The following SHANK2 variants were observed in gnomAD, a reference collection of about 807,000 sequenced individuals.
The protein encoded by SHANK2 is SH3 and multiple ankyrin repeat domains protein 2.
A neutral mutation model predicts 133.7 loss-of-function variants in SHANK2; 43 were observed. The ratio of observed to expected loss-of-function variants is 0.32; its 90% CI spans 0.25 to 0.41. The LOEUF (loss-of-function observed/expected upper bound fraction) is 0.41. Ranked by LOEUF, SHANK2 falls within the 10% of genes least tolerant of loss-of-function variation. The pLI is 1.00. For missense variants in SHANK2, 1,994 were observed against 2,235.8 expected (o/e 0.89, Z 2.18); for synonymous variants, 1,017 against 952.8 (o/e 1.07, Z -1.24).
intron 2 of SHANK2, among the ~76,000 whole-genome samples, chr11:71,192,354 G>A (rs1555115567): frequency 6.6e-6 from 1 of 152,222 alleles, no homozygotes. Context: ...TTCATGACCT[G>A]TGGTGACGGG....
chr11:70,922,263 C>T (rs12277879), intron 10 of SHANK2, among the ~76,000 whole-genome samples: 1,812 of 152,132 alleles, frequency 0.012, 33 homozygotes, highest in African/African-American at 0.041. Context: ...GAAAACAGAA[C>T]GGACACATAT....
intron 17 of SHANK2, among the ~76,000 whole-genome samples, chr11:70,540,334 G>C (rs1554974948): frequency 3.3e-5 from 5 of 151,204 alleles, no homozygotes; most frequent in African/African-American, 2.4e-5. Flanking sequence ...CCCACGGGCA[G>C]GTCAAGGGGA....
At chr11:70,683,422 G>T (rs1223634109) in intron 15 of SHANK2, among the ~76,000 whole-genome samples, 1 of 152,122 alleles carries the variant, frequency 6.6e-6, no homozygotes, top group Non-Finnish European at 1.5e-5. Context: ...TCCACCCCTG[G>T]AACTTGCCGC....
intron 17 of SHANK2, among the ~76,000 whole-genome samples, chr11:70,577,045 G>A (rs373278769): frequency 1.1e-4 from 16 of 152,192 alleles, no homozygotes; most frequent in South Asian, 6.2e-4. Flanking sequence ...AGGCCACGCC[G>A]CTGTCTCCCT....
At chr11:70,661,450 C>T (rs548645610) in intron 16 of SHANK2, 146 bp downstream of exon 16, 2 of 841,178 alleles carry the variant, frequency 2.4e-6, no homozygotes, top group South Asian at 1.7e-5. Flanking sequence ...AGGAAAAATG[C>T]TTATTTAATG....
At chr11:70,736,087 G>A (rs936185353) in intron 14 of SHANK2, among the ~76,000 whole-genome samples, 4 of 151,370 alleles carry the variant, frequency 2.6e-5, no homozygotes, top group Non-Finnish European at 5.9e-5. Flanking sequence ...ACCCAGGTCT[G>A]AGGCTCGGGA....
At chr11:70,728,122 G>A (rs1382188294) in intron 14 of SHANK2, among the ~76,000 whole-genome samples, 2 of 152,148 alleles carry the variant, frequency 1.3e-5, no homozygotes, top group East Asian at 1.9e-4. Flanking sequence ...CTTCCCTGGC[G>A]GCTCCCTGTT....
At chr11:71,224,387 T>G (rs1378247309) in intron 2 of SHANK2, among the ~76,000 whole-genome samples, 1 of 152,180 alleles carries the variant, frequency 6.6e-6, no homozygotes, top group Non-Finnish European at 1.5e-5. Flanking sequence ...TGGAAGCACC[T>G]GCACCACTCA....
intron 17 of SHANK2, among the ~76,000 whole-genome samples, chr11:70,606,885 C>T (rs1237970321): frequency 6.6e-6 from 1 of 152,204 alleles, no homozygotes; most frequent in African/African-American, 2.4e-5. Flanking sequence ...TGTTTTCATC[C>T]TTCAGTGCAA....
At chr11:70,920,851 G>A (rs1950339904) in intron 10 of SHANK2, among the ~76,000 whole-genome samples, 1 of 152,198 alleles carries the variant, frequency 6.6e-6, no homozygotes, top group South Asian at 2.1e-4. Flanking sequence ...CAGATGTTAA[G>A]ATCAAGGAGG....
At chr11:70,905,151 G>A (rs782285040) in intron 10 of SHANK2, among the ~76,000 whole-genome samples, 44 of 152,130 alleles carry the variant, frequency 2.9e-4, no homozygotes, top group Non-Finnish European at 5.1e-4. Context: ...GGTGGGAAAT[G>A]AGCCAGCCAG....
chr11:70,731,526 T>C (rs1946290826), intron 14 of SHANK2, among the ~76,000 whole-genome samples: 1 of 152,192 alleles, frequency 6.6e-6, no homozygotes, highest in South Asian at 2.1e-4. Flanking sequence ...GCCTTTTGTG[T>C]CTGACTTCTT....
intron 15 of SHANK2, among the ~76,000 whole-genome samples, chr11:70,679,074 G>A (rs938215354): frequency 6.6e-6 from 1 of 152,192 alleles, no homozygotes; most frequent in South Asian, 2.1e-4. Context: ...CCCGTAACAG[G>A]TGACGGCACG....
chr11:70,732,502 A>C (rs1269154027), intron 14 of SHANK2, among the ~76,000 whole-genome samples: 2 of 152,134 alleles, frequency 1.3e-5, no homozygotes, highest in Non-Finnish European at 2.9e-5. Context: ...TGCATGGCCC[A>C]GGATTTTTTT....
chr11:70,662,981 G>A (rs1944600143), intron 15 of SHANK2, among the ~76,000 whole-genome samples: 1 of 152,300 alleles, frequency 6.6e-6, no homozygotes, highest in South Asian at 2.1e-4. Context: ...AGCTGGGAAG[G>A]CCTCTGTGGA....
At chr11:70,886,008 C>T (rs1949737576) in intron 11 of SHANK2, among the ~76,000 whole-genome samples, 1 of 152,158 alleles carries the variant, frequency 6.6e-6, no homozygotes, top group African/African-American at 2.4e-5. Flanking sequence ...GAAAATGACA[C>T]CAAGCAAGAC....
At chr11:70,554,952 C>CA (rs1465115685) in intron 17 of SHANK2, among the ~76,000 whole-genome samples, 1 of 146,218 alleles carries the variant, frequency 6.8e-6, no homozygotes, top group Non-Finnish European at 1.5e-5. Context: ...CACAGAGAGT[C>CA]AGCCCATCAG....
intron 15 of SHANK2, among the ~76,000 whole-genome samples, chr11:70,662,381 ATCCCGCGC>A (rs1944576980): frequency 1.3e-5 from 2 of 152,144 alleles, no homozygotes; most frequent in Non-Finnish European, 2.9e-5. Context: ...CCTGGGCGTC[ATCCCGCGC>A]GAGCATCCGC....
chr11:70,651,808 C>T (rs2061342740), intron 17 of SHANK2, among the ~76,000 whole-genome samples: 1 of 152,188 alleles, frequency 6.6e-6, no homozygotes. Flanking sequence ...CCCTGGGTTC[C>T]TGCTAACATC....
Sources: allele counts gnomAD v4.1 joint callset (sites outside exome capture counted in the v4.1 genomes callset), GRCh38; gene constraint gnomAD v4.1.1; transcripts MANE v1.5; gene names NCBI Gene and HGNC (gene_info 2026-07-23, HGNC 2026-07-21).